CNTNAP2: variants seen among roughly 807,000 people sequenced by gnomAD.
The protein encoded by CNTNAP2 is contactin-associated protein-like 2.
A neutral mutation model predicts 155.2 loss-of-function variants in CNTNAP2; 98 were observed. The ratio of observed to expected loss-of-function variants is 0.63; its 90% confidence interval spans 0.54 to 0.75. The LOEUF (loss-of-function observed/expected upper bound fraction) is 0.75. CNTNAP2 is among the 30% of genes least tolerant of loss of function. CNTNAP2 has a pLI of 0.00. For missense variants in CNTNAP2, 1,727 were observed against 1,688.1 expected, an observed-to-expected ratio of 1.02 and a Z score of -0.40; for synonymous variants, 651 against 631.2, an observed-to-expected ratio of 1.03 and a Z score of -0.47.
intron 12 of CNTNAP2, among the ~76,000 whole-genome samples, chr7:147,612,587 G>A (rs1801208668): frequency 6.6e-6 from 1 of 151,722 alleles, no homozygotes; most frequent in African/African-American, 2.4e-5. Flanking sequence ...TTTTAGTAGA[G>A]GCTGAGTTTC....
intron 8 of CNTNAP2, among the ~76,000 whole-genome samples, chr7:147,145,143 C>T (rs769208242): frequency 4.0e-4 from 61 of 152,152 alleles, no homozygotes; most frequent in Non-Finnish European, 8.8e-5. Context: ...TGTTAAGCAA[C>T]AAAATACAGC....
intron 1 of CNTNAP2, among the ~76,000 whole-genome samples, chr7:146,667,515 G>C (rs116571309): frequency 2.6e-5 from 4 of 151,550 alleles, no homozygotes; most frequent in Non-Finnish European, 5.9e-5. Context: ...GTGGAGTGTC[G>C]TTTGTATTTT....
intron 3 of CNTNAP2, among the ~76,000 whole-genome samples, chr7:146,940,852 G>A (rs559517625): frequency 5.3e-5 from 8 of 151,872 alleles, no homozygotes; most frequent in Non-Finnish European, 1.2e-4. Flanking sequence ...GAGAGAAAGA[G>A]AGAGAGAGAG....
intron 3 of CNTNAP2, among the ~76,000 whole-genome samples, chr7:146,910,227 G>C (rs1310538643): frequency 1.4e-5 from 2 of 145,120 alleles, no homozygotes; most frequent in Non-Finnish European, 3.0e-5. Context: ...TGGCCATACT[G>C]CCCAAGGTAA....
intron 1 of CNTNAP2, among the ~76,000 whole-genome samples, chr7:146,246,179 G>T (rs1456229899): frequency 6.6e-6 from 1 of 151,598 alleles, no homozygotes; most frequent in Non-Finnish European, 1.5e-5. Flanking sequence ...GATGGTAAGG[G>T]GTGCATGATC....
chr7:146,967,548 G>T (rs1016483000), intron 3 of CNTNAP2, among the ~76,000 whole-genome samples: 3 of 152,110 alleles, frequency 2.0e-5, no homozygotes, highest in Non-Finnish European at 2.9e-5. Flanking sequence ...TGGATTCCTA[G>T]GTATTTTATT....
chr7:146,488,835 A>G lies in CNTNAP2; in HGVS notation c.98-285436A>G, dbSNP rs566974263. On this transcript the variant is annotated intron_variant, in intron 1 of 23. Transcript: ENST00000361727. Reference sequence around the variant, plus strand: ...GGGGTTTCTCCACGTTGCCCAGGCTAGCCTCAAACTCCTGGGCTCAAGCAA... The same window carrying G: ...GGGGTTTCTCCACGTTGCCCAGGCTGGCCTCAAACTCCTGGGCTCAAGCAA... Among the ~76,000 whole-genome samples, 15 of 152,170 alleles carry G rather than the reference A, an allele frequency of 9.9e-5. No individual in the cohort carries two copies. The South Asian group carries it at 1.7e-3, about 17-fold the overall frequency.
At chr7:147,265,625 C>T (rs545948500) in intron 8 of CNTNAP2, among the ~76,000 whole-genome samples, 103 of 152,290 alleles carry the variant, frequency 6.8e-4, no homozygotes, top group African/African-American at 2.2e-3. Context: ...GGGTTTCCCC[C>T]GAGCACAGCA....
At chr7:146,735,051 T>C (rs1232038402) in intron 1 of CNTNAP2, among the ~76,000 whole-genome samples, 1 of 152,140 alleles carries the variant, frequency 6.6e-6, no homozygotes, top group Non-Finnish European at 1.5e-5. Flanking sequence ...TGCTGAAATG[T>C]TTTCAAAATA....
Position 148,229,713 on chromosome 7 carries a change from G to A in CNTNAP2, c.3315G>A (p.Arg1105=). The A allele has an allele frequency of 5.6e-6, 9 of 1,614,070 alleles. No individual in the cohort carries two copies. The highest frequency in any genetic ancestry group is 7.6e-6 in the Non-Finnish European group (9 of 1,180,010). The change falls in exon 20 of 24, where the codon AGG becomes AGA. Residue 1105 remains arginine, a synonymous_variant. Coordinates refer to ENST00000361727, the MANE Select transcript of CNTNAP2 (RefSeq NM_014141.6). ...CATACAATATTGACGTAGACCACAG[G>A]AACATGGCCAATGGACAGCCCCACA... ...REPYNIDVDH[R]NMANGQPHSV... is the part of the protein sequence containing the mutation.
At chr7:146,809,072 G>T (rs1803018904) in intron 2 of CNTNAP2, among the ~76,000 whole-genome samples, 1 of 152,092 alleles carries the variant, frequency 6.6e-6, no homozygotes, top group Non-Finnish European at 1.5e-5. Context: ...AGTTTTTTTA[G>T]ATTTGTACCC....
At chr7:146,326,190 G>A (rs1012680611) in intron 1 of CNTNAP2, among the ~76,000 whole-genome samples, 1 of 152,002 alleles carries the variant, frequency 6.6e-6, no homozygotes, top group South Asian at 2.1e-4. Context: ...ACATACACAT[G>A]CACTCTCACA....
intron 1 of CNTNAP2, among the ~76,000 whole-genome samples, chr7:146,724,085 G>A (rs1317921153): frequency 6.6e-6 from 1 of 152,128 alleles, no homozygotes; most frequent in Admixed American, 6.6e-5. Flanking sequence ...CTGGGTAGTA[G>A]TGAAAGTCAT....
intron 9 of CNTNAP2, among the ~76,000 whole-genome samples, chr7:147,382,633 A>T (rs1162853093): frequency 1.3e-5 from 2 of 152,096 alleles, no homozygotes; most frequent in African/African-American, 2.4e-5. Flanking sequence ...TGAGACAGAG[A>T]TATGATTAGA....
At chr7:147,335,988 A>G (rs1439216983) in intron 9 of CNTNAP2, among the ~76,000 whole-genome samples, 1 of 152,192 alleles carries the variant, frequency 6.6e-6, no homozygotes, top group African/African-American at 2.4e-5. Context: ...GGACTAAGCA[A>G]TTAAGTATTT....
At chr7:146,352,745 A>ATTTTTTTTTTTTTTT (rs1794933581) in intron 1 of CNTNAP2, among the ~76,000 whole-genome samples, 2 of 81,972 alleles carry the variant, frequency 2.4e-5, no homozygotes, top group Non-Finnish European at 4.5e-5. Context: ...AATTAGCATA[A>ATTTTTTTTTTTTTTT]TTCTGTTTTT....
At chr7:147,129,734 T>C (rs6960557) in intron 7 of CNTNAP2, among the ~76,000 whole-genome samples, 15,035 of 152,212 alleles carry the variant, frequency 0.099, 754 homozygotes, top group Non-Finnish European at 0.12. Context: ...GCCCAGGGTT[T>C]CATAAAATGA....
chr7:147,029,850 CTTG>C (rs1205895986), intron 3 of CNTNAP2, among the ~76,000 whole-genome samples: 2 of 152,056 alleles, frequency 1.3e-5, no homozygotes, highest in African/African-American at 4.8e-5. Flanking sequence ...GGTAATTTAC[CTTG>C]CTATCACAAA....
rs147824299 is a variant in CNTNAP2, at chr7:147,503,232, A to G, written c.1777+17191A>G. 6.3e-4 allele frequency among the ~76,000 whole-genome samples: 96 copies of G among 152,176 alleles called. No individual in the cohort carries two copies. In the East Asian group the frequency reaches 0.016, roughly 25 times the overall value. ...CATACCTTGACTTGTACATGCCTCA[A>G]TCTATTCTCTGCCTCCTTCTTCACA... On this transcript the variant is annotated intron_variant, in intron 11 of 23. Transcript: ENST00000361727.
Sources: gnomAD v4.1 joint callset for allele counts (sites outside exome capture counted in the v4.1 genomes callset) on GRCh38, gnomAD v4.1.1 for gene constraint, MANE v1.5 for transcripts, NCBI Gene and HGNC (gene_info 2026-07-23, HGNC 2026-07-21) for gene names.